The following NIBAN2 variants were observed in gnomAD, a reference collection of about 807,000 sequenced individuals.
NIBAN2 encodes niban apoptosis regulator 2, also known as protein Niban 2.
In NIBAN2, 36 loss-of-function variants were observed where a neutral mutation model predicts 81.8. The observed-to-expected ratio is 0.44, with a 90% CI of 0.34 to 0.58. NIBAN2 has a LOEUF of 0.58. NIBAN2 is among the 20% of genes least tolerant of loss of function. NIBAN2 has a pLI of 0.02. For synonymous variants in NIBAN2, 445 were observed against 441.6 expected (o/e 1.01, Z -0.10); for missense variants, 897 against 1,014.1 (o/e 0.88, Z 1.57).
intron 1 of NIBAN2, among the ~76,000 whole-genome samples, chr9:127,560,068 CT>C (rs1388876661): frequency 6.6e-6 from 1 of 152,204 alleles, no homozygotes; most frequent in East Asian, 1.9e-4. Flanking sequence ...GGTCCTCTGA[CT>C]CCCGGCCTCT....
chr9:127,532,087 C>T (rs569778677), intron 1 of NIBAN2, among the ~76,000 whole-genome samples: 28 of 152,304 alleles, frequency 1.8e-4, no homozygotes, highest in African/African-American at 6.7e-4. Flanking sequence ...CATGCAAAAA[C>T]AGGCCATGTC....
At chr9:127,514,993 C>T (rs532893895) in intron 8 of NIBAN2, among the ~76,000 whole-genome samples, 5 of 152,142 alleles carry the variant, frequency 3.3e-5, no homozygotes, top group South Asian at 2.1e-4. Flanking sequence ...GTAAGACCCC[C>T]TTCTCTCTCT....
chr9:127,508,881 C>A lies in NIBAN2; in HGVS notation c.1317+95G>T. On this transcript the variant is annotated intron_variant, in intron 10 of 13. Coordinates refer to ENST00000373312, the MANE Select transcript of NIBAN2 (RefSeq NM_022833.4). This position sits in a 1 kb window ranked among gnomAD's most constrained non-coding sequence, Gnocchi z 6.4. Reference sequence around the variant, plus strand: ...GCGTGCCAGGCAAGCGTGGCTATGGCATGACGGGACGGAGCAGAAGGGACC... The same window carrying A: ...GCGTGCCAGGCAAGCGTGGCTATGGAATGACGGGACGGAGCAGAAGGGACC... 3 of 1,401,726 alleles carry A rather than the reference C, an allele frequency of 2.1e-6. No individual in the cohort carries two copies. The East Asian group carries it at 6.9e-5, about 32-fold the overall frequency. 86.8% of individuals were successfully genotyped at this position (1,401,726 alleles called of 1,614,324 possible).
In NIBAN2 at chr9:127,519,479, G is replaced by A. The variant is rs116892242; in HGVS notation, c.590-1538C>T. 2.1e-3 allele frequency among the ~76,000 whole-genome samples: 325 copies of A among 152,350 alleles called. 3 individuals are homozygous for A. In the East Asian group the frequency reaches 0.042, roughly 20 times the overall value. On this transcript the variant is annotated intron_variant, in intron 5 of 13. Transcript: ENST00000373312. The stretch of plus-strand genomic sequence containing the variant: ...CAAAGCCCAGGAAGGGGAAACGGAA[G>A]CCTGTGCATCAGAAACCTAAGGCTC...
intron 1 of NIBAN2, among the ~76,000 whole-genome samples, chr9:127,565,663 G>A (rs1479162100): frequency 4.6e-5 from 7 of 151,324 alleles, no homozygotes; most frequent in Admixed American, 4.0e-4. Flanking sequence ...GCATGGTGGT[G>A]TGTACCTGTA....
At chr9:127,577,211 G>A (rs1280084924) in intron 1 of NIBAN2, among the ~76,000 whole-genome samples, 5 of 151,994 alleles carry the variant, frequency 3.3e-5, no homozygotes, top group East Asian at 1.9e-4. Flanking sequence ...GGGAGGCTGA[G>A]GCACAAGAAT....
chr9:127,533,458 A>C (rs1837221952), intron 1 of NIBAN2, among the ~76,000 whole-genome samples: 1 of 152,056 alleles, frequency 6.6e-6, no homozygotes, highest in African/African-American at 2.4e-5. Flanking sequence ...CTCCATCTCA[A>C]AAAACAAAAC....
chr9:127,578,846 A>T, intron 1 of NIBAN2: 23 of 1,390,430 alleles, frequency 1.7e-5, no homozygotes, highest in Non-Finnish European at 2.2e-5. Flanking sequence ...GACAGAGCAA[A>T]ACCTCCTCTC....
upstream of NIBAN2, chr9:127,569,230 C>T (rs914781966): frequency 7.9e-6 from 3 of 381,790 alleles, no homozygotes; most frequent in African/African-American, 2.3e-5. Flanking sequence ...CCTGCACCCC[C>T]CTGCGCCCCA....
intron 5 of NIBAN2, among the ~76,000 whole-genome samples, chr9:127,521,057 C>A (rs1470424944): frequency 6.6e-6 from 1 of 152,172 alleles, no homozygotes; most frequent in Admixed American, 6.5e-5. Context: ...TTGCCCTCGA[C>A]TCAGACCTCC....
At chr9:127,540,515 C>A (rs1837358503) in intron 1 of NIBAN2, among the ~76,000 whole-genome samples, 1 of 152,232 alleles carries the variant, frequency 6.6e-6, no homozygotes, top group Non-Finnish European at 1.5e-5. Flanking sequence ...TTTGCTTGGA[C>A]ACGTGCCCCC....
Position 127,525,065 on chromosome 9 carries a change from G to T in NIBAN2, c.414C>A (p.Ser138=). The change falls in exon 4 of 14, where the codon TCC becomes TCA. Residue 138 remains serine, a synonymous_variant. Coordinates refer to ENST00000373312, the MANE Select transcript of NIBAN2 (RefSeq NM_022833.4). ...VDQYLELIGN[S]LPGTTAKSGS... ...GGATGGGTGCTCCTTTACCTGGTAA[G>T]GAGTTGCCAATGAGCTCCAGGTATT... is the stretch of plus-strand genomic sequence containing the variant. 6.2e-7 allele frequency: 1 copy of T among 1,612,460 alleles called. No homozygotes were observed. Among genetic ancestry groups the T allele is most frequent in the Non-Finnish European group, 8.5e-7 (1 of 1,178,442 alleles).
chr9:127,527,413 G>A lies in NIBAN2; in HGVS notation c.187-91C>T, dbSNP rs926245854. On this transcript the variant is annotated intron_variant, in intron 2 of 13. Coordinates refer to ENST00000373312, the MANE Select transcript of NIBAN2 (RefSeq NM_022833.4). The stretch of plus-strand genomic sequence containing the variant: ...ATGGCCCAGCCAGCAGAGCCTGTGT[G>A]CGCACCCCCTGCCTAGCATGTCCTC... 4 of 1,264,748 alleles carry A rather than the reference G, an allele frequency of 3.2e-6. No individual in the cohort carries two copies. The African/African-American group carries it at 4.4e-5, about 14-fold the overall frequency. 78.3% of individuals were successfully genotyped at this position (1,264,748 alleles called of 1,614,324 possible).
At chr9:127,553,255 C>A (rs552670899) in intron 1 of NIBAN2, among the ~76,000 whole-genome samples, 1 of 152,326 alleles carries the variant, frequency 6.6e-6, no homozygotes, top group South Asian at 2.1e-4. Flanking sequence ...AAAGGCCAAA[C>A]CTCCAGAGCT....
chr9:127,522,339 G>A (rs1337068699), intron 5 of NIBAN2, among the ~76,000 whole-genome samples: 1 of 152,138 alleles, frequency 6.6e-6, no homozygotes, highest in Non-Finnish European at 1.5e-5. Context: ...CGCCCACTCC[G>A]TCCCCTGCAA....
intron 1 of NIBAN2, among the ~76,000 whole-genome samples, chr9:127,556,610 A>G (rs1837675194): frequency 6.6e-6 from 1 of 152,228 alleles, no homozygotes; most frequent in African/African-American, 2.4e-5. Context: ...AGTGGAGTAG[A>G]AGCATCATCA....
Position 127,531,768 on chromosome 9 carries a change from C to T in NIBAN2, c.66G>A (p.Gly22=). 1 of 1,614,174 alleles carries T rather than the reference C, an allele frequency of 6.2e-7. No homozygotes were observed. ...ARRQHIAEKT[G]KILTEFLQFY... is the part of the protein sequence containing the mutation. ...ACTGGAGGAACTCCGTCAGGATCTT[C>T]CCGGTTTTTTCTGGAAGAGAAGGAC... Residue 22 remains glycine, a synonymous_variant, in exon 2 of 14, where the codon GGG becomes GGA. Coordinates refer to ENST00000373312, the MANE Select transcript of NIBAN2 (RefSeq NM_022833.4).
chr9:127,571,632 G>A (rs1342120117), upstream of NIBAN2, among the ~76,000 whole-genome samples: 3 of 152,024 alleles, frequency 2.0e-5, no homozygotes, highest in African/African-American at 7.2e-5. Flanking sequence ...GGAGGCAGAG[G>A]TTGCAGTGAG....
intron 2 of NIBAN2, among the ~76,000 whole-genome samples, chr9:127,529,381 G>A (rs545937421): frequency 2.6e-5 from 4 of 152,252 alleles, no homozygotes; most frequent in South Asian, 2.1e-4. Flanking sequence ...GCTCACGCCC[G>A]TAATCCCAGC....
Sources: gnomAD v4.1 joint callset for allele counts (sites outside exome capture counted in the v4.1 genomes callset) on GRCh38, gnomAD v4.1.1 for gene constraint, Gnocchi (gnomAD v3.1) non-coding constraint, MANE v1.5 for transcripts, NCBI Gene and HGNC (gene_info 2026-07-23, HGNC 2026-07-21) for gene names.